The following ADAM18 variants were observed in gnomAD, a reference collection of about 807,000 sequenced individuals.
ADAM18 encodes the protein ADAM metallopeptidase domain 18.
ADAM18 carries 117 observed loss-of-function variants against 94.4 expected under a neutral mutation model. That is an observed-to-expected ratio of 1.24 (90% CI 1.07 to 1.45). ADAM18 has a LOEUF of 1.45. Ranked by LOEUF, ADAM18 falls within the 40% of genes most tolerant of loss-of-function variation. ADAM18 has a pLI of 0.00. For synonymous variants in ADAM18, 327 were observed against 291.6 expected, an observed-to-expected ratio of 1.12 and a Z score of -1.24; for missense variants, 936 against 880.0, an observed-to-expected ratio of 1.06 and a Z score of -0.81.
At position 39,701,117 on chromosome 8, in the gene ADAM18, C is replaced by CAAAAAAA. The variant is rs71237188; in HGVS notation, c.1903-5647_1903-5641dup. ...TGGGCGACAGAGCAAGACTCTGTCT[C>CAAAAAAA]AAAAAAAAAAAAAAAAAAAAAAAAA... is the stretch of plus-strand genomic sequence containing the variant. On this transcript the variant is annotated intron_variant, in intron 17 of 19. Coordinates refer to ENST00000265707, the MANE Select transcript of ADAM18 (RefSeq NM_014237.3). Among the ~76,000 whole-genome samples the CAAAAAAA allele has an allele frequency of 4.7e-3, 162 of 34,564 alleles. 22 individuals are homozygous for CAAAAAAA. The highest frequency in any genetic ancestry group is 0.038 in the Middle Eastern group (1 of 26). 22.7% of individuals were successfully genotyped at this position (34,564 alleles called of 152,430 possible). A position where few individuals can be genotyped will look rare whatever the true frequency, so the allele number is the denominator to read the frequency against.
At chr8:39,666,367 C>G (rs1820993428) in intron 13 of ADAM18, among the ~76,000 whole-genome samples, 1 of 152,018 alleles carries the variant, frequency 6.6e-6, no homozygotes, top group South Asian at 2.1e-4. Flanking sequence ...CTAGGAAAGT[C>G]TTTGTGTCTC....
At chr8:39,663,598 C>CAAAAAAAAAAAAAAAAAAA (rs10597769) in intron 12 of ADAM18, among the ~76,000 whole-genome samples, 197 bp from the exon 13 acceptor site, 2 of 19,588 alleles carry the variant, frequency 1.0e-4, no homozygotes, top group African/African-American at 2.5e-4. Context: ...AATCCTGTCT[C>CAAAAAAAAAAAAAAAAAAA]AAAAAAAAAA....
chr8:39,613,196 A>T (rs1819328980), intron 6 of ADAM18, among the ~76,000 whole-genome samples: 1 of 152,086 alleles, frequency 6.6e-6, no homozygotes, highest in Non-Finnish European at 1.5e-5. Flanking sequence ...TGCTGCCATC[A>T]CCCTGACAGA....
At chr8:39,602,988 C>T (rs1212721604) in intron 2 of ADAM18, among the ~76,000 whole-genome samples, 2 of 151,862 alleles carry the variant, frequency 1.3e-5, no homozygotes, top group Non-Finnish European at 2.9e-5. Context: ...GGTGTGATGT[C>T]TGTATTGAGA....
intron 19 of ADAM18, among the ~76,000 whole-genome samples, chr8:39,725,440 A>G (rs1415727452): frequency 6.6e-6 from 1 of 152,150 alleles, no homozygotes; most frequent in Non-Finnish European, 1.5e-5. Context: ...GTAGAGCTCC[A>G]GAATTTATCT....
chr8:39,585,145 G>A, intron 1 of ADAM18, 131 bp from the exon 2 acceptor site: 1 of 641,984 alleles, frequency 1.6e-6, no homozygotes, highest in South Asian at 2.0e-5. Flanking sequence ...TAGAAAGAGT[G>A]TGAGCACATG....
intron 18 of ADAM18, among the ~76,000 whole-genome samples, chr8:39,721,115 C>T (rs932127467): frequency 6.6e-6 from 1 of 151,348 alleles, no homozygotes; most frequent in Non-Finnish European, 1.5e-5. Flanking sequence ...AGTCAGAAAA[C>T]AATGTGCATG....
At chr8:39,650,009 G>C (rs1034905466) in intron 12 of ADAM18, among the ~76,000 whole-genome samples, 1 of 152,154 alleles carries the variant, frequency 6.6e-6, no homozygotes, top group African/African-American at 2.4e-5. Flanking sequence ...AGTTGCAACA[G>C]ATACTATATG....
rs777976380 is a variant in ADAM18, at chr8:39,638,502, C to G, written c.865C>G (p.Pro289Ala). ...KHPKYVGATF[P>A]GTVCNKSYDA... is the part of the protein sequence containing the mutation. ...TCCTAAATATGTGGGAGCAACATTT[C>G]CTGGCACTGTATGCAATAAAAGCTA... The change falls in exon 10 of 20, where the codon CCT (proline) becomes GCT (alanine). Residue 289 changes from proline (P) to alanine (A), a missense_variant. Coordinates refer to ENST00000265707, the MANE Select transcript of ADAM18 (RefSeq NM_014237.3). 3.8e-6 allele frequency: 6 copies of G among 1,571,916 alleles called. No homozygotes were observed. Among genetic ancestry groups the G allele is most frequent in the African/African-American group, 1.4e-5 (1 of 73,166 alleles).
chr8:39,621,858 G>A (rs1331745883), intron 6 of ADAM18, among the ~76,000 whole-genome samples: 1 of 152,142 alleles, frequency 6.6e-6, no homozygotes, highest in East Asian at 1.9e-4. Context: ...TCTTTTATAA[G>A]TGGGAGCTAA....
intron 17 of ADAM18, among the ~76,000 whole-genome samples, chr8:39,697,634 T>A (rs1821962579): frequency 6.6e-6 from 1 of 151,812 alleles, no homozygotes; most frequent in African/African-American, 2.4e-5. Flanking sequence ...TTTCTTGCAT[T>A]CCTTTCTATA....
chr8:39,689,257 C>G (rs1821700616), intron 16 of ADAM18, among the ~76,000 whole-genome samples: 1 of 152,114 alleles, frequency 6.6e-6, no homozygotes, highest in Non-Finnish European at 1.5e-5. Flanking sequence ...TTGCTTTTGG[C>G]ATCTGCATCA....
intron 7 of ADAM18, among the ~76,000 whole-genome samples, chr8:39,633,139 C>G (rs1440872379): frequency 6.6e-6 from 1 of 152,160 alleles, no homozygotes; most frequent in East Asian, 1.9e-4. Flanking sequence ...GACTTCTCAG[C>G]CTCTAGGACT....
Position 39,618,031 on chromosome 8 carries a change from C to T in ADAM18, c.522+7325C>T, listed in dbSNP as rs547909997. Among the ~76,000 whole-genome samples the T allele has an allele frequency of 6.6e-5, 10 of 152,242 alleles. No homozygotes were observed. The East Asian group carries it at 1.7e-3, about 26-fold the overall frequency. ...TAAAACCAGAAACCCTAAAACAAGA[C>T]CTATTTGACGCCTCCAAAGACTCAC... On this transcript the variant is annotated intron_variant, in intron 6 of 19. Coordinates refer to ENST00000265707, the MANE Select transcript of ADAM18 (RefSeq NM_014237.3).
intron 12 of ADAM18, among the ~76,000 whole-genome samples, chr8:39,657,231 A>T (rs925210460): frequency 2.0e-5 from 3 of 152,234 alleles, no homozygotes; most frequent in Non-Finnish European, 4.4e-5. Context: ...AGTTAAAAAA[A>T]TAAAACTATT....
intron 4 of ADAM18, 106 bp downstream of exon 4, chr8:39,609,226 GT>G: frequency 1.2e-6 from 1 of 856,706 alleles, no homozygotes; most frequent in Non-Finnish European, 1.8e-6. Flanking sequence ...TTACTGACAT[GT>G]TACTGACTTT....
chr8:39,677,515 A>G lies in ADAM18; in HGVS notation c.1610A>G (p.Gln537Arg), dbSNP rs1380171145. 6.2e-7 allele frequency: 1 copy of G among 1,607,712 alleles called. No homozygotes were observed. Among genetic ancestry groups the G allele is most frequent in the African/African-American group, 1.3e-5 (1 of 74,602 alleles). Residue 537 changes from glutamine to arginine, a missense_variant, in exon 15 of 20, where the codon CAA becomes CGA. Physicochemically the swap from Gln to Arg is conservative, Grantham distance 43. Transcript: ENST00000265707. Reference sequence around the variant, plus strand: ...GAAAACTGTGGTTTTAAAAATTCACAACCATTACCTTGTGAACGGAAGTAC... The same window carrying G: ...GAAAACTGTGGTTTTAAAAATTCACGACCATTACCTTGTGAACGGAAGTAC... ...RSENCGFKNSQPLPCERKDVL... is the reference protein window; with the variant it reads ...RSENCGFKNSRPLPCERKDVL...
At chr8:39,602,638 T>C (rs1210349409) in intron 2 of ADAM18, among the ~76,000 whole-genome samples, 1 of 152,184 alleles carries the variant, frequency 6.6e-6, no homozygotes, top group Non-Finnish European at 1.5e-5. Context: ...AGACATTTTG[T>C]TCATTTTTAA....
chr8:39,596,141 GCTGA>G (rs1165148370), intron 2 of ADAM18, among the ~76,000 whole-genome samples: 3 of 152,214 alleles, frequency 2.0e-5, no homozygotes, highest in African/African-American at 2.4e-5. Context: ...GTGCGGCCTC[GCTGA>G]CTATCAGATC....
Sources: allele counts gnomAD v4.1 joint callset (sites outside exome capture counted in the v4.1 genomes callset), GRCh38; gene constraint gnomAD v4.1.1; transcripts MANE v1.5; gene names NCBI Gene and HGNC (gene_info 2026-07-23, HGNC 2026-07-21).